TASP1: variants seen among roughly 807,000 people sequenced by gnomAD.
TASP1 encodes threonine aspartase 1.
A neutral mutation model predicts 56.6 loss-of-function variants in TASP1; 16 were observed. That is an observed-to-expected ratio of 0.28 (90% CI 0.19 to 0.43). TASP1 has a LOEUF of 0.43. Ranked by LOEUF, TASP1 falls within the 20% of genes least tolerant of loss-of-function variation. The pLI is 1.00. For synonymous variants in TASP1, 179 were observed against 184.2 expected, an observed-to-expected ratio of 0.97 and a Z score of 0.23; for missense variants, 393 against 511.6, an observed-to-expected ratio of 0.77 and a Z score of 2.24.
the TASP1 span, among the ~76,000 whole-genome samples, chr20:13,308,261 G>T: frequency 6.6e-6 from 1 of 152,218 alleles, no homozygotes; most frequent in Non-Finnish European, 1.5e-5. Flanking sequence ...GTGTGAATCT[G>T]ATGTAACTCA....
the TASP1 span, among the ~76,000 whole-genome samples, chr20:13,377,267 G>A: frequency 6.6e-6 from 1 of 152,156 alleles, no homozygotes; most frequent in South Asian, 2.1e-4. Context: ...AGTTTATTGA[G>A]GGTTTTTAGC....
the TASP1 span, among the ~76,000 whole-genome samples, chr20:13,357,621 A>G: frequency 6.6e-6 from 1 of 152,216 alleles, no homozygotes; most frequent in Non-Finnish European, 1.5e-5. Context: ...GTAAAATACC[A>G]TATAGCCCAG....
At chr20:13,311,209 A>AGATGGAT in the TASP1 span, among the ~76,000 whole-genome samples, 1 of 124,042 alleles carries the variant, frequency 8.1e-6, no homozygotes. Flanking sequence ...AAATAGATAT[A>AGATGGAT]GATAGATGAT....
At chr20:13,271,197 G>A in the TASP1 span, among the ~76,000 whole-genome samples, 69,435 of 152,060 alleles carry the variant, frequency 0.46, 17,783 homozygotes, top group African/African-American at 0.71. Flanking sequence ...GTTTCTCTTA[G>A]TGCCCCTCTA....
At chr20:13,295,734 A>G in the TASP1 span, among the ~76,000 whole-genome samples, 58,000 of 152,176 alleles carry the variant, frequency 0.38, 11,298 homozygotes, top group African/African-American at 0.46. Context: ...AGGCTCAGCC[A>G]TGCTGACTGG....
the TASP1 span, among the ~76,000 whole-genome samples, chr20:13,185,432 T>G: frequency 1.3e-5 from 2 of 152,144 alleles, no homozygotes; most frequent in Non-Finnish European, 2.9e-5. Context: ...TCCTTCTTCC[T>G]CCTTGTCACC....
chr20:13,607,808 A>G (rs1428273947), intron 4 of TASP1, among the ~76,000 whole-genome samples: 2 of 152,170 alleles, frequency 1.3e-5, no homozygotes, highest in African/African-American at 4.8e-5. Flanking sequence ...TTCCACTAAA[A>G]ATACAAAAAT....
intron 13 of TASP1, among the ~76,000 whole-genome samples, chr20:13,391,718 A>T (rs1346600337): frequency 6.6e-6 from 1 of 152,152 alleles, no homozygotes; most frequent in Non-Finnish European, 1.5e-5. Context: ...TTGTAATCCC[A>T]GCACTTTGGG....
chr20:13,270,520 G>T, the TASP1 span: 1 of 1,613,302 alleles, frequency 6.2e-7, no homozygotes, highest in African/African-American at 1.3e-5. Context: ...CTCAACGTGG[G>T]AAGTGACACC....
chr20:13,506,512 A>C (rs2044136909), intron 10 of TASP1, among the ~76,000 whole-genome samples: 1 of 152,176 alleles, frequency 6.6e-6, no homozygotes, highest in Admixed American at 6.5e-5. Context: ...TAGCAAACTG[A>C]ATTCAATAGC....
the TASP1 span, among the ~76,000 whole-genome samples, chr20:13,249,444 C>T: frequency 1.3e-4 from 20 of 152,304 alleles, no homozygotes; most frequent in Non-Finnish European, 2.6e-4. Context: ...CAGGACCACA[C>T]GGAGTCCATT....
At chr20:13,136,864 T>A in the TASP1 span, among the ~76,000 whole-genome samples, 1 of 151,880 alleles carries the variant, frequency 6.6e-6, no homozygotes, top group African/African-American at 2.4e-5. Context: ...TCATAAATAG[T>A]TACTCTGTTA....
chr20:13,136,139 C>T, the TASP1 span, among the ~76,000 whole-genome samples: 1 of 152,166 alleles, frequency 6.6e-6, no homozygotes, highest in Non-Finnish European at 1.5e-5. Context: ...CAAAGTCACA[C>T]ATGTCCCTCT....
the TASP1 span, among the ~76,000 whole-genome samples, chr20:13,314,584 T>C: frequency 1.3e-5 from 2 of 152,034 alleles, no homozygotes; most frequent in African/African-American, 2.4e-5. Flanking sequence ...CAAAAATGGA[T>C]GGAATTTGTT....
chr20:13,573,516 G>A (rs571212148), intron 6 of TASP1, among the ~76,000 whole-genome samples: 1 of 152,278 alleles, frequency 6.6e-6, no homozygotes, highest in South Asian at 2.1e-4. Flanking sequence ...CTGTCTAAAT[G>A]TAATATAGTT....
At chr20:13,621,719 G>A (rs1401045602) in intron 4 of TASP1, among the ~76,000 whole-genome samples, 1 of 151,922 alleles carries the variant, frequency 6.6e-6, no homozygotes, top group Non-Finnish European at 1.5e-5. Context: ...TCAACACTAG[G>A]GGAAAATAGA....
chr20:13,498,832 G>A (rs2043836297), intron 10 of TASP1, among the ~76,000 whole-genome samples: 1 of 149,704 alleles, frequency 6.7e-6, no homozygotes, highest in African/African-American at 2.4e-5. Flanking sequence ...CAAAGCTGTG[G>A]AGAAAAGAGA....
the TASP1 span, among the ~76,000 whole-genome samples, chr20:13,263,093 C>G: frequency 2.0e-5 from 3 of 152,256 alleles, no homozygotes; most frequent in Non-Finnish European, 4.4e-5. Context: ...TACGTATGGC[C>G]GTTTCCCCTC....
chr20:13,237,953 G>C, the TASP1 span: 1 of 152,154 alleles, frequency 6.6e-6, no homozygotes, highest in Non-Finnish European at 1.5e-5. Context: ...ACCAACTGCT[G>C]GCTGAGATGC....
Sources: allele counts gnomAD v4.1 joint callset (sites outside exome capture counted in the v4.1 genomes callset), GRCh38; gene constraint gnomAD v4.1.1; transcripts MANE v1.5; gene names NCBI Gene and HGNC (gene_info 2026-07-23, HGNC 2026-07-21).